The following RBFOX1 variants were observed in gnomAD, a reference collection of about 807,000 sequenced individuals.
The protein encoded by RBFOX1 is RNA binding fox-1 homolog 1, also known as RNA binding protein fox-1 homolog 1.
A neutral mutation model predicts 57.7 loss-of-function variants in RBFOX1; 8 were observed. The observed-to-expected ratio is 0.14, with a 90% CI of 0.08 to 0.25. RBFOX1 has a LOEUF of 0.25. RBFOX1 is among the 10% of genes least tolerant of loss of function. The pLI, the probability that RBFOX1 is intolerant of heterozygous loss-of-function variation, is 1.00. For synonymous variants in RBFOX1, 326 were observed against 222.4 expected, an observed-to-expected ratio of 1.47 and a Z score of -4.15; for missense variants, 611 against 548.5, an observed-to-expected ratio of 1.11 and a Z score of -1.14.
intron 4 of RBFOX1, among the ~76,000 whole-genome samples, chr16:7,477,340 C>G (rs79532523): frequency 1.3e-5 from 2 of 152,128 alleles, no homozygotes; most frequent in African/African-American, 4.8e-5. Flanking sequence ...TATCTCCAAA[C>G]AGCCCTAAAT....
At chr16:7,542,061 T>C (rs1354701263) in intron 5 of RBFOX1, among the ~76,000 whole-genome samples, 1 of 152,128 alleles carries the variant, frequency 6.6e-6, no homozygotes, top group Non-Finnish European at 1.5e-5. Flanking sequence ...GCAGCTTTCG[T>C]GGGGGTACCT....
chr16:7,499,009 C>G (rs967877559), intron 4 of RBFOX1, among the ~76,000 whole-genome samples: 6 of 152,158 alleles, frequency 3.9e-5, no homozygotes, highest in Non-Finnish European at 8.8e-5. Context: ...TAGACAGTGA[C>G]ATCACTCAAT....
chr16:6,422,321 C>T (rs552213962), intron 2 of RBFOX1, among the ~76,000 whole-genome samples: 8 of 151,176 alleles, frequency 5.3e-5, no homozygotes, highest in South Asian at 4.2e-4. Flanking sequence ...TACTGAGGTT[C>T]GGGGTGTGGA....
chr16:5,483,447 G>A (rs8044676), intron 2 of RBFOX1, among the ~76,000 whole-genome samples: 53,391 of 152,092 alleles, frequency 0.35, 10,347 homozygotes, highest in South Asian at 0.54. Context: ...GATGGAAACT[G>A]GTGTTGCCTT....
rs539256905 is a variant in RBFOX1 at position 6,806,732 on chromosome 16, T to C, written c.-16+152082T>C. On this transcript the variant is annotated intron_variant, in intron 3 of 15. Coordinates refer to ENST00000550418, the MANE Select transcript of RBFOX1 (RefSeq NM_018723.4). ...ACATGTATTACCAGGGGAGCATCTTTCTGTTTTTTCTCCCTTTCTTTTTCT... is the reference window on the plus strand; with the variant it reads ...ACATGTATTACCAGGGGAGCATCTTCCTGTTTTTTCTCCCTTTCTTTTTCT... 2.7e-5 allele frequency among the ~76,000 whole-genome samples: 4 copies of C among 149,168 alleles called. No homozygotes were observed. The East Asian group carries it at 7.8e-4, about 29-fold the overall frequency.
At chr16:5,653,097 G>T (rs1282711238) in intron 3 of RBFOX1, among the ~76,000 whole-genome samples, 4 of 151,902 alleles carry the variant, frequency 2.6e-5, no homozygotes, top group African/African-American at 9.7e-5. Flanking sequence ...TGAGTTGTGT[G>T]CTGGGCCTTT....
intron 3 of RBFOX1, among the ~76,000 whole-genome samples, chr16:6,674,384 C>A (rs1047361544): frequency 6.6e-6 from 1 of 151,518 alleles, no homozygotes; most frequent in South Asian, 2.1e-4. Context: ...TGCAATGGTG[C>A]GATCTCAGCT....
In RBFOX1 at chr16:7,000,837, T is replaced by A. The variant is rs142363716; in HGVS notation, c.-15-51220T>A. ...CAGGATGCTCTCGATCTCCTGACCT[T>A]GTGATCCGCCCGCCTCGGCCTCCCA... On this transcript the variant is annotated intron_variant, in intron 3 of 15. Coordinates refer to ENST00000550418, the MANE Select transcript of RBFOX1 (RefSeq NM_018723.4). Among the ~76,000 whole-genome samples, 1,413 of 152,120 alleles carry A rather than the reference T, an allele frequency of 9.3e-3. 12 individuals carry two copies. Among genetic ancestry groups the A allele is most frequent in the Non-Finnish European group, 0.014 (939 of 67,962 alleles).
At chr16:6,945,522 C>T (rs2079330912) in intron 3 of RBFOX1, among the ~76,000 whole-genome samples, 1 of 151,766 alleles carries the variant, frequency 6.6e-6, no homozygotes, top group Non-Finnish European at 1.5e-5. Context: ...GAAAACACTA[C>T]CTGACCATGT....
At chr16:6,945,122 C>G (rs550141229) in intron 3 of RBFOX1, among the ~76,000 whole-genome samples, 47 of 152,122 alleles carry the variant, frequency 3.1e-4, no homozygotes, top group Non-Finnish European at 5.6e-4. Flanking sequence ...GCTAGGGTCA[C>G]GCAGAGGTAG....
chr16:6,840,176 C>T (rs1418371967), intron 3 of RBFOX1, among the ~76,000 whole-genome samples: 1 of 152,012 alleles, frequency 6.6e-6, no homozygotes, highest in Non-Finnish European at 1.5e-5. Context: ...GTTAAGGTGC[C>T]TAAAAGCACC....
intron 3 of RBFOX1, among the ~76,000 whole-genome samples, chr16:6,812,340 C>T (rs916288019): frequency 6.6e-6 from 1 of 152,116 alleles, no homozygotes; most frequent in Non-Finnish European, 1.5e-5. Context: ...ATGCAAAGTG[C>T]CAATTAGCAC....
chr16:5,414,082 A>G (rs868147498), intron 1 of RBFOX1, among the ~76,000 whole-genome samples: 41 of 152,300 alleles, frequency 2.7e-4, no homozygotes, highest in African/African-American at 9.6e-4. Flanking sequence ...GGGGCTGTAC[A>G]ACACTCAATG....
intron 14 of RBFOX1, among the ~76,000 whole-genome samples, chr16:7,681,795 A>G (rs1054375961): frequency 6.6e-6 from 1 of 152,132 alleles, no homozygotes; most frequent in Non-Finnish European, 1.5e-5. Flanking sequence ...TACACATGCA[A>G]AGCAGACAAA....
chr16:7,628,189 AC>A, intron 10 of RBFOX1, among the ~76,000 whole-genome samples: 1 of 152,088 alleles, frequency 6.6e-6, no homozygotes, highest in Non-Finnish European at 1.5e-5. Flanking sequence ...GAAATTTAGC[AC>A]CCCAAGAAAC....
At chr16:7,211,053 GTAT>G (rs2091023432) in intron 4 of RBFOX1, among the ~76,000 whole-genome samples, 1 of 146,352 alleles carries the variant, frequency 6.8e-6, no homozygotes, top group African/African-American at 2.5e-5. Context: ...GTATGTCAAA[GTAT>G]TATGTTGTAT....
intron 3 of RBFOX1, among the ~76,000 whole-genome samples, chr16:6,965,247 T>C (rs1405542422): frequency 6.6e-6 from 1 of 152,080 alleles, no homozygotes; most frequent in East Asian, 1.9e-4. Flanking sequence ...CTCATTTGGG[T>C]GTAAAAAATG....
At chr16:7,308,297 G>GTTTTTTTT in intron 4 of RBFOX1, among the ~76,000 whole-genome samples, 1 of 144,582 alleles carries the variant, frequency 6.9e-6, no homozygotes, top group African/African-American at 2.5e-5. Context: ...ACCCAGAGCT[G>GTTTTTTTT]TTTTTTTTTT....
At chr16:6,233,609 C>T (rs1181893580) in intron 1 of RBFOX1, among the ~76,000 whole-genome samples, 1 of 152,084 alleles carries the variant, frequency 6.6e-6, no homozygotes, top group African/African-American at 2.4e-5. Flanking sequence ...ACACCAGTCG[C>T]CTTGATTTTT....
Sources: gnomAD v4.1 joint callset for allele counts (sites outside exome capture counted in the v4.1 genomes callset) on GRCh38, gnomAD v4.1.1 for gene constraint, MANE v1.5 for transcripts, NCBI Gene and HGNC (gene_info 2026-07-23, HGNC 2026-07-21) for gene names.